FLNC: variants seen among roughly 807,000 people sequenced by gnomAD.
The protein encoded by FLNC is filamin C.
In FLNC, 91 loss-of-function variants were observed where a neutral mutation model predicts 254.3. The observed-to-expected ratio is 0.36, with a 90% CI of 0.30 to 0.43. The LOEUF is 0.43. Among genes scored for constraint, FLNC ranks in the 20% least tolerant of loss-of-function variants. The pLI, the probability that FLNC is intolerant of heterozygous loss-of-function variation, is 1.00. For synonymous variants in FLNC, 1,430 were observed against 1,577.2 expected, an observed-to-expected ratio of 0.91 and a Z score of 2.21; for missense variants, 2,853 against 3,802.6, an observed-to-expected ratio of 0.75 and a Z score of 6.57.
In FLNC at chr7:128,854,639, G is replaced by A. The variant is rs1367100709; in HGVS notation, c.6954G>A (p.Arg2318=). Reference sequence around the variant, plus strand: ...GTGAAGGTGGTGCCCACAAGGTGCGGGCCGGAGGCACAGGGCTGGAGCGAG... The same window carrying A: ...GTGAAGGTGGTGCCCACAAGGTGCGAGCCGGAGGCACAGGGCTGGAGCGAG... ...PLGEGGAHKV[R]AGGTGLERGV... Residue 2318 remains arginine (R), a synonymous_variant, in exon 41 of 48, where the codon CGG becomes CGA. Coordinates refer to ENST00000325888, the MANE Select transcript of FLNC (RefSeq NM_001458.5). 1.2e-6 allele frequency: 2 copies of A among 1,612,754 alleles called. No individual in the cohort carries two copies. Among genetic ancestry groups the A allele is most frequent in the East Asian group, 2.2e-5 (1 of 44,846 alleles).
chr7:128,852,610 C>T lies in FLNC; in HGVS notation c.5862C>T (p.Thr1954=). 1 of 1,613,314 alleles carries T rather than the reference C, an allele frequency of 6.2e-7. No homozygotes were observed. The highest frequency in any genetic ancestry group is 8.5e-7 in the Non-Finnish European group (1 of 1,180,024). ...AKITGDDSMR[T]SQLNVGTSTD... The stretch of plus-strand genomic sequence containing the variant: ...CACCAGGTGATGACTCCATGAGGAC[C>T]TCACAGCTGAATGTGGGCACCTCCA... The change falls in exon 36 of 48, where the codon ACC becomes ACT. Residue 1954 remains threonine, a synonymous_variant. Coordinates refer to ENST00000325888, the MANE Select transcript of FLNC (RefSeq NM_001458.5).
At position 128,837,827 on chromosome 7, in the gene FLNC, G is replaced by A. The variant is rs377125118; in HGVS notation, c.969+72G>A. On this transcript the variant is annotated intron_variant, in intron 5 of 47. Coordinates refer to ENST00000325888, the MANE Select transcript of FLNC (RefSeq NM_001458.5). Reference sequence around the variant, plus strand: ...CCAGAGAGCGTGGGGCCAACAACAGGAATGGCCCGGAGGTGACTGCCAGAG... The same window carrying A: ...CCAGAGAGCGTGGGGCCAACAACAGAAATGGCCCGGAGGTGACTGCCAGAG... 5.9e-5 allele frequency: 85 copies of A among 1,431,576 alleles called. 1 individual carries two copies. The East Asian group carries it at 1.1e-3, about 18-fold the overall frequency. The allele number at this position is 1,431,576 out of a possible 1,614,324, so 88.7% of individuals were successfully genotyped here. A position where few individuals can be genotyped will look rare whatever the true frequency, so the allele number is the denominator to read the frequency against.
chr7:128,850,349 C>T (rs1277572259), intron 31 of FLNC, 35 bp from the exon 32 acceptor site: 2 of 1,551,208 alleles, frequency 1.3e-6, no homozygotes, highest in East Asian at 4.5e-5. Context: ...CTGGGCCTTC[C>T]CCAGTCACTG....
chr7:128,834,151 C>T (rs981753744), intron 1 of FLNC, among the ~76,000 whole-genome samples: 1 of 152,250 alleles, frequency 6.6e-6, no homozygotes, highest in African/African-American at 2.4e-5. Context: ...GACTGTCTTC[C>T]ACCCCCTTCC....
In FLNC at chr7:128,842,121, G is replaced by A. The variant is rs1413841826; in HGVS notation, c.2122-110G>A. On this transcript the variant is annotated intron_variant, in intron 13 of 47. Transcript: ENST00000325888. The surrounding 1 kb of genome is among the most constrained non-coding windows in gnomAD (Gnocchi z 5.4). ...TGGCCTCAGTGGCTGGTGTGGGGGCGGGAGTGCCAGTGTTGGGGGTGGGAA... is the reference window on the plus strand; with the variant it reads ...TGGCCTCAGTGGCTGGTGTGGGGGCAGGAGTGCCAGTGTTGGGGGTGGGAA... 6.1e-6 allele frequency: 7 copies of A among 1,146,528 alleles called. No homozygotes were observed. Among genetic ancestry groups the A allele is most frequent in the African/African-American group, 1.5e-5 (1 of 65,290 alleles). 71.0% of individuals were successfully genotyped at this position (1,146,528 alleles called of 1,614,324 possible).
At position 128,837,889 on chromosome 7, in the gene FLNC, C is replaced by T. The variant is rs1381945992; in HGVS notation, c.970-98C>T. 2.9e-6 allele frequency: 4 copies of T among 1,386,584 alleles called. No homozygotes were observed. The East Asian group carries it at 6.9e-5, about 24-fold the overall frequency. The allele number at this position is 1,386,584 out of a possible 1,614,324, so 85.9% of individuals were successfully genotyped here. On this transcript the variant is annotated intron_variant, in intron 5 of 47. Transcript: ENST00000325888. The stretch of plus-strand genomic sequence containing the variant: ...GCTGTGCAGTCTGGGGAAGGTGTCA[C>T]CATGGGGGCTGAGTGGGGCTGGGGT...
rs1370181400 is a variant in FLNC, at chr7:128,836,469, C to T, written c.602-691C>T. Among the ~76,000 whole-genome samples the T allele has an allele frequency of 2.6e-5, 4 of 152,270 alleles. No homozygotes were observed. The highest frequency in any genetic ancestry group is 3.9e-4 in the East Asian group (2 of 5,168). ...CCTTGAGCCGGCCCCCTCCCCGAAA[C>T]GGTGTGCCGTCCCCCTCCTCCAGCT... On this transcript the variant is annotated intron_variant, in intron 2 of 47. Transcript: ENST00000325888. This position sits in a 1 kb window ranked among gnomAD's most constrained non-coding sequence, Gnocchi z 6.0.
In FLNC at chr7:128,846,064, A is replaced by T; in HGVS notation, c.3865A>T (p.Thr1289Ser). The change falls in exon 22 of 48, where the codon ACG (threonine) becomes TCG (serine). Residue 1289 changes from threonine to serine, a missense_variant. Transcript: ENST00000325888. ...SLTATGGNHV[T>S]ARVLNPSGAK... Reference sequence around the variant, plus strand: ...AACAGCCACAGGCGGCAACCACGTGACGGCTCGTGTGCTCAACCCCTCGGG... The same window carrying T: ...AACAGCCACAGGCGGCAACCACGTGTCGGCTCGTGTGCTCAACCCCTCGGG... 1 of 1,613,934 alleles carries T rather than the reference A, an allele frequency of 6.2e-7. No homozygotes were observed. Among genetic ancestry groups the T allele is most frequent in the Non-Finnish European group, 8.5e-7 (1 of 1,180,000 alleles).
chr7:128,847,799 C>T lies in FLNC; in HGVS notation c.4391C>T (p.Thr1464Ile). Residue 1464 changes from threonine (T) to isoleucine (I), a missense_variant, in exon 25 of 48, where the codon ACC becomes ATC. Transcript: ENST00000325888. Reference protein sequence around the residue: ...GAGVRARVPQTFTVDCSQAGR... With the variant: ...GAGVRARVPQIFTVDCSQAGR... The stretch of plus-strand genomic sequence containing the variant: ...GGTGTCAGGGCCCGGGTTCCTCAGA[C>T]CTTCACAGTGGATTGCAGTCAAGCT... 3.1e-6 allele frequency: 5 copies of T among 1,613,818 alleles called. No homozygotes were observed. The highest frequency in any genetic ancestry group is 3.4e-6 in the Non-Finnish European group (4 of 1,179,824).
chr7:128,842,128 C>A lies in FLNC; in HGVS notation c.2122-103C>A. ...AGTGGCTGGTGTGGGGGCGGGAGTG[C>A]CAGTGTTGGGGGTGGGAAAGGAGGC... On this transcript the variant is annotated intron_variant, in intron 13 of 47. Coordinates refer to ENST00000325888, the MANE Select transcript of FLNC (RefSeq NM_001458.5). This position sits in a 1 kb window ranked among gnomAD's most constrained non-coding sequence, Gnocchi z 5.4. 8.2e-7 allele frequency: 1 copy of A among 1,221,816 alleles called. No homozygotes were observed. Among genetic ancestry groups the A allele is most frequent in the Non-Finnish European group, 1.2e-6 (1 of 853,762 alleles). The allele number at this position is 1,221,816 out of a possible 1,614,324, so 75.7% of individuals were successfully genotyped here.
chr7:128,844,153 C>G lies in FLNC; in HGVS notation c.3079C>G (p.Arg1027Gly). ...PGGGAEAQAVRYMPPEEGPYK... is the reference protein window; with the variant it reads ...PGGGAEAQAVGYMPPEEGPYK... ...CGGTGGAGCGGAAGCCCAGGCTGTG[C>G]GCTACATGCCCCCGGAGGAGGGGCC... Residue 1027 changes from arginine (R) to glycine (G), a missense_variant, in exon 20 of 48, where the codon CGC (arginine) becomes GGC (glycine). Arg to Gly is a moderately radical substitution (Grantham distance 125). Transcript: ENST00000325888. The G allele has an allele frequency of 6.2e-7, 1 of 1,613,932 alleles. No individual in the cohort carries two copies. Among genetic ancestry groups the G allele is most frequent in the Non-Finnish European group, 8.5e-7 (1 of 1,180,022 alleles).
chr7:128,841,113 G>A lies in FLNC; in HGVS notation c.1814-57G>A. On this transcript the variant is annotated intron_variant, in intron 11 of 47. Transcript: ENST00000325888. This position sits in a 1 kb window ranked among gnomAD's most constrained non-coding sequence, Gnocchi z 4.3. ...ATGAGGGCAGCTAGAGGGGAGCTGGGGGACGGAAGGGTCTTGCCTGATGCT... is the reference window on the plus strand; with the variant it reads ...ATGAGGGCAGCTAGAGGGGAGCTGGAGGACGGAAGGGTCTTGCCTGATGCT... 6.3e-7 allele frequency: 1 copy of A among 1,598,510 alleles called. No homozygotes were observed. The highest frequency in any genetic ancestry group is 8.5e-7 in the Non-Finnish European group (1 of 1,169,800).
Position 128,837,690 on chromosome 7 carries a change from A to G in FLNC, c.904A>G (p.Thr302Ala), listed in dbSNP as rs1410531577. Residue 302 changes from threonine (T) to alanine (A), a missense_variant, in exon 5 of 48, where the codon ACG becomes GCG. Physicochemically the swap from Thr to Ala is moderately conservative, Grantham distance 58 (BLOSUM62 0). Around this residue, in one of 10 missense-constraint regions of FLNC, gnomAD observed 1,573 missense variants for 1,883.5 expected, o/e 0.84. Coordinates refer to ENST00000325888, the MANE Select transcript of FLNC (RefSeq NM_001458.5). ...VLQPAHFTVQ[T>A]VDAGVGEVLV... is the part of the protein sequence containing the mutation. Reference sequence around the variant, plus strand: ...GCAGCCTGCCCACTTCACCGTGCAGACGGTGGACGCGGGCGTGGGCGAGGT... The same window carrying G: ...GCAGCCTGCCCACTTCACCGTGCAGGCGGTGGACGCGGGCGTGGGCGAGGT... The G allele has an allele frequency of 8.1e-6, 13 of 1,611,626 alleles. No homozygotes were observed. Among genetic ancestry groups the G allele is most frequent in the Middle Eastern group, 3.3e-4 (2 of 6,062 alleles).
In FLNC at chr7:128,840,065, A is replaced by G. The variant is rs1012536919; in HGVS notation, c.1454A>G (p.Gln485Arg). 4 of 1,614,118 alleles carry G rather than the reference A, an allele frequency of 2.5e-6. No individual in the cohort carries two copies. The highest frequency in any genetic ancestry group is 3.4e-6 in the Non-Finnish European group (4 of 1,180,028). ...NACRASGRGL[Q>R]PKGVRVKEVA... ...TGCCGCGCCTCTGGGCGAGGCCTGCAGCCCAAGGGTGTTCGCGTGAAAGAG... is the reference window on the plus strand; with the variant it reads ...TGCCGCGCCTCTGGGCGAGGCCTGCGGCCCAAGGGTGTTCGCGTGAAAGAG... The change falls in exon 9 of 48, where the codon CAG becomes CGG. Residue 485 changes from glutamine to arginine, a missense_variant. Physicochemically the swap from Gln to Arg is conservative, Grantham distance 43. This residue lies in a region of FLNC where 1,573 missense variants were observed against 1,883.5 expected (regional missense o/e 0.84). Transcript: ENST00000325888.
intron 26 of FLNC, 133 bp downstream of exon 26, chr7:128,848,201 C>G: frequency 8.6e-7 from 1 of 1,158,586 alleles, no homozygotes; most frequent in South Asian, 1.3e-5. Flanking sequence ...GTCTCGCCAC[C>G]CCATCCCGCT....
chr7:128,835,504 C>A lies in FLNC; in HGVS notation c.531C>A (p.Pro177=), dbSNP rs1295139676. ...TCCAGAACAAGGTGCCCCAGCTGCC[C>A]ATCACCAACTTCAACCGTGACTGGC... The part of the protein sequence containing the change: ...GWIQNKVPQL[P]ITNFNRDWQD... Residue 177 remains proline, a synonymous_variant, in exon 2 of 48, where the codon CCC becomes CCA. Coordinates refer to ENST00000325888, the MANE Select transcript of FLNC (RefSeq NM_001458.5). This position sits in a 1 kb window ranked among gnomAD's most constrained non-coding sequence, Gnocchi z 5.3. 6.2e-6 allele frequency: 10 copies of A among 1,613,786 alleles called. No homozygotes were observed. Among genetic ancestry groups the A allele is most frequent in the Non-Finnish European group, 7.6e-6 (9 of 1,180,020 alleles).
chr7:128,853,158 G>C, intron 37 of FLNC, 127 bp downstream of exon 37: 2 of 1,021,806 alleles, frequency 2.0e-6, no homozygotes, highest in South Asian at 1.4e-5. Flanking sequence ...TCTGCGTCAG[G>C]ATTCGCATTC....
Position 128,857,220 on chromosome 7 carries a change from G to C in FLNC, c.7664G>C (p.Cys2555Ser), listed in dbSNP as rs1585172407. 6.2e-7 allele frequency: 1 copy of C among 1,614,144 alleles called. No homozygotes were observed. The highest frequency in any genetic ancestry group is 8.5e-7 in the Non-Finnish European group (1 of 1,180,002). ...AAGGTGCAGCTGGACTGTCGGGAGT[G>C]TCCTGAGGGCCATGTGGTCACTTAT... ...PSKVQLDCRE[C>S]PEGHVVTYTP... Residue 2555 changes from cysteine (C) to serine (S), a missense_variant, in exon 46 of 48, where the codon TGT becomes TCT. By Grantham distance (112) the Cys-to-Ser change is moderately radical. This residue lies in a region of FLNC where 197 missense variants were observed against 351.5 expected (regional missense o/e 0.56). Transcript: ENST00000325888. This position sits in a 1 kb window ranked among gnomAD's most constrained non-coding sequence, Gnocchi z 4.5.
chr7:128,845,351 G>A (rs1234728291), intron 21 of FLNC, 96 bp downstream of exon 21: 5 of 1,001,562 alleles, frequency 5.0e-6, no homozygotes, highest in African/African-American at 4.8e-5. Context: ...AGCTGGAAGA[G>A]CAACCTGGGG....
Sources: gnomAD v4.1 joint callset for allele counts (sites outside exome capture counted in the v4.1 genomes callset) on GRCh38, gnomAD v4.1.1 for gene constraint, gnomAD v4.1.1 regional missense constraint, Gnocchi (gnomAD v3.1) non-coding constraint, MANE v1.5 for transcripts, NCBI Gene and HGNC (gene_info 2026-07-23, HGNC 2026-07-21) for gene names.